CUL4A: variants seen among roughly 807,000 people sequenced by gnomAD.
CUL4A encodes cullin-4A.
In CUL4A, 16 loss-of-function variants were observed where a neutral mutation model predicts 95.5. That is an observed-to-expected ratio of 0.17 (90% CI 0.11 to 0.25). CUL4A has a LOEUF of 0.25. CUL4A is among the 10% of genes least tolerant of loss of function. The pLI, the probability that CUL4A is intolerant of heterozygous loss-of-function variation, is 1.00. For synonymous variants in CUL4A, 380 were observed against 353.1 expected (o/e 1.08, Z -0.85); for missense variants, 610 against 937.0 (o/e 0.65, Z 4.56).
chr13:113,243,378 A>T (rs1253699913), intron 11 of CUL4A, among the ~76,000 whole-genome samples: 2 of 152,110 alleles, frequency 1.3e-5, no homozygotes, highest in Non-Finnish European at 1.5e-5. Flanking sequence ...TCCATAAGGG[A>T]AGATGAGGTA....
At chr13:113,217,765 G>A (rs1459185659) in intron 2 of CUL4A, among the ~76,000 whole-genome samples, 1 of 152,028 alleles carries the variant, frequency 6.6e-6, no homozygotes, top group African/African-American at 2.4e-5. Context: ...CCCCACATTG[G>A]TTCAAAACTT....
At chr13:113,224,017 G>A (rs1344564773) in intron 3 of CUL4A, among the ~76,000 whole-genome samples, 1 of 152,150 alleles carries the variant, frequency 6.6e-6, no homozygotes, top group Non-Finnish European at 1.5e-5. Context: ...GCAGGACCAC[G>A]TGCCACCCAG....
At position 113,209,700 on chromosome 13, in the gene CUL4A, G is replaced by C; in HGVS notation, c.73G>C (p.Ala25Pro). The C allele has an allele frequency of 8.7e-7, 1 of 1,153,828 alleles. No homozygotes were observed. 71.5% of individuals were successfully genotyped at this position (1,153,828 alleles called of 1,614,324 possible). ...CCGCACCAACGGCCTCACCAAGCCC[G>C]CGGCCCTGGCCGCCGCGCCCGCCAA... ...VGRTNGLTKP[A>P]ALAAAPAKPG... The change falls in exon 1 of 20, where the codon GCG becomes CCG. Residue 25 changes from alanine (A) to proline (P), a missense_variant. Ala to Pro is a conservative substitution (Grantham distance 27, BLOSUM62 -1). Around this residue, in one of 10 missense-constraint regions of CUL4A, gnomAD observed 168 missense variants for 185.5 expected, o/e 0.91. Transcript: ENST00000375440.
chr13:113,217,655 CTTTAA>C (rs562399723), intron 2 of CUL4A, among the ~76,000 whole-genome samples: 1 of 152,114 alleles, frequency 6.6e-6, no homozygotes, highest in Non-Finnish European at 1.5e-5. Context: ...AGCTTTATAA[CTTTAA>C]TTTACCTTTT....
At chr13:113,242,621 C>T (rs1461121516) in intron 10 of CUL4A, among the ~76,000 whole-genome samples, 2 of 152,094 alleles carry the variant, frequency 1.3e-5, no homozygotes, top group African/African-American at 4.8e-5. Context: ...CCCGTCTCTA[C>T]AAAACTTTAA....
At chr13:113,214,794 C>T (rs1219233352) in intron 2 of CUL4A, among the ~76,000 whole-genome samples, 1 of 152,132 alleles carries the variant, frequency 6.6e-6, no homozygotes, top group African/African-American at 2.4e-5. Flanking sequence ...TTCCCTCACA[C>T]CCAAGCTGCA....
upstream of CUL4A, chr13:113,208,728 C>T (rs2040166120): frequency 1.3e-6 from 2 of 1,495,318 alleles, no homozygotes; most frequent in South Asian, 1.3e-5. Flanking sequence ...GTCCTGGCGC[C>T]CCCGGCCCCG....
At chr13:113,234,407 C>G (rs56119221) in intron 7 of CUL4A, among the ~76,000 whole-genome samples, 20,962 of 152,162 alleles carry the variant, frequency 0.14, 1,833 homozygotes, top group Middle Eastern at 0.29. Context: ...AACTTAATCA[C>G]CTTTCCAGAT....
In CUL4A at chr13:113,255,003, C is replaced by T. The variant is rs752293552; in HGVS notation, c.1909C>T (p.Arg637Cys). Residue 637 changes from arginine (R) to cysteine (C), a missense_variant, in exon 18 of 20, where the codon CGT (arginine) becomes TGT (cysteine). By Grantham distance (180) the Arg-to-Cys change is radical. Transcript: ENST00000375440. ...GCAGTCCCTGGCCTGTGGCAAAGCACGTGTGCTGATTAAAAGTCCCAAAGG... is the reference window on the plus strand; with the variant it reads ...GCAGTCCCTGGCCTGTGGCAAAGCATGTGTGCTGATTAAAAGTCCCAAAGG... ...TLQSLACGKA[R>C]VLIKSPKGKE... 4 of 1,614,112 alleles carry T rather than the reference C, an allele frequency of 2.5e-6. No homozygotes were observed. Among genetic ancestry groups the T allele is most frequent in the Non-Finnish European group, 2.5e-6 (3 of 1,180,018 alleles).
chr13:113,223,926 C>G (rs2139136708), intron 3 of CUL4A, among the ~76,000 whole-genome samples: 1 of 152,296 alleles, frequency 6.6e-6, no homozygotes. Context: ...GTCCCTTCCT[C>G]AAAATAAAGG....
Position 113,250,730 on chromosome 13 carries a change from A to T in CUL4A, c.1639-2352A>T, listed in dbSNP as rs367937991. 5.4e-4 allele frequency among the ~76,000 whole-genome samples: 83 copies of T among 152,296 alleles called. No individual in the cohort carries two copies. In the South Asian group the frequency reaches 0.014, roughly 25 times the overall value. On this transcript the variant is annotated intron_variant, in intron 15 of 19. Transcript: ENST00000375440. ...CAAAAAGAAAGAAGAGGCTTATCACATTATTGACTTTTATTTAGGTATGGT... is the reference window on the plus strand; with the variant it reads ...CAAAAAGAAAGAAGAGGCTTATCACTTTATTGACTTTTATTTAGGTATGGT...
chr13:113,213,514 C>T (rs1305007342), intron 2 of CUL4A, among the ~76,000 whole-genome samples: 3 of 152,132 alleles, frequency 2.0e-5, no homozygotes, highest in Admixed American at 2.0e-4. Context: ...TCTCAGAGGT[C>T]TTTGGTTTAA....
chr13:113,262,159 T>C (rs2042297725), intron 19 of CUL4A, among the ~76,000 whole-genome samples: 2 of 152,200 alleles, frequency 1.3e-5, no homozygotes, highest in Admixed American at 6.5e-5. Flanking sequence ...CTCCCTTGTA[T>C]AGGGAGAGCC....
intron 15 of CUL4A, 47 bp from the exon 16 acceptor site, chr13:113,253,035 G>GA: frequency 1.1e-6 from 1 of 900,286 alleles, no homozygotes; most frequent in Non-Finnish European, 1.8e-6. Context: ...GAGCTATTGA[G>GA]ATGGATGGTG....
At chr13:113,216,836 A>G (rs2139100096) in intron 2 of CUL4A, among the ~76,000 whole-genome samples, 1 of 152,348 alleles carries the variant, frequency 6.6e-6, no homozygotes, top group East Asian at 1.9e-4. Flanking sequence ...TCGCCTTTCC[A>G]GTGATGAGTG....
At chr13:113,244,895 CA>C in intron 12 of CUL4A, 53 bp from the exon 13 acceptor site, 1 of 1,086,004 alleles carries the variant, frequency 9.2e-7, no homozygotes, top group Non-Finnish European at 1.4e-6. Flanking sequence ...TGAAGTTTAA[CA>C]TTTGCTTATC....
At position 113,260,777 on chromosome 13, in the gene CUL4A, A is replaced by G. The variant is rs2042254503; in HGVS notation, c.2184+18A>G. 1 of 1,518,584 alleles carries G rather than the reference A, an allele frequency of 6.6e-7. No homozygotes were observed. Among genetic ancestry groups the G allele is most frequent in the Non-Finnish European group, 9.0e-7 (1 of 1,112,836 alleles). The allele number at this position is 1,518,584 out of a possible 1,614,324, so 94.1% of individuals were successfully genotyped here. A position where few individuals can be genotyped will look rare whatever the true frequency, so the allele number is the denominator to read the frequency against. Reference sequence around the variant, plus strand: ...CAGTAAAGGTAAATGTAACATTAGCATAATTAAATTTGTAGTATTTGCTAA... The same window carrying G: ...CAGTAAAGGTAAATGTAACATTAGCGTAATTAAATTTGTAGTATTTGCTAA... On this transcript the variant is annotated intron_variant, in intron 19 of 19. Coordinates refer to ENST00000375440, the MANE Select transcript of CUL4A (RefSeq NM_001008895.4).
At chr13:113,255,256 T>C (rs2139285328) in intron 18 of CUL4A, 131 bp downstream of exon 18, 2 of 596,356 alleles carry the variant, frequency 3.4e-6, no homozygotes, top group Non-Finnish European at 5.7e-6. Context: ...ATGTAATGTT[T>C]ATAAGAGTAC....
At chr13:113,215,519 C>A (rs760936261) in intron 2 of CUL4A, among the ~76,000 whole-genome samples, 24 of 148,030 alleles carry the variant, frequency 1.6e-4, no homozygotes, top group Non-Finnish European at 2.8e-4. Context: ...GAGGTCTCGT[C>A]CATGTGGCTG....
Sources: gnomAD v4.1 joint callset for allele counts (sites outside exome capture counted in the v4.1 genomes callset) on GRCh38, gnomAD v4.1.1 for gene constraint, gnomAD v4.1.1 regional missense constraint, MANE v1.5 for transcripts, NCBI Gene and HGNC (gene_info 2026-07-23, HGNC 2026-07-21) for gene names.